The following MOXD1 variants were observed in gnomAD, a reference collection of about 807,000 sequenced individuals.
MOXD1 encodes monooxygenase DBH like 1.
In MOXD1, 62 loss-of-function variants were observed where a neutral mutation model predicts 66.6. The observed-to-expected ratio is 0.93, with a 90% CI of 0.76 to 1.15. MOXD1 has a LOEUF of 1.15. MOXD1 is among the 50% of genes most tolerant of loss of function. The pLI is 0.00. For missense variants in MOXD1, 847 were observed against 754.6 expected, an observed-to-expected ratio of 1.12 and a Z score of -1.44; for synonymous variants, 303 against 281.9, an observed-to-expected ratio of 1.07 and a Z score of -0.75.
chr6:132,301,879 G>A (rs1366280509), intron 10 of MOXD1, among the ~76,000 whole-genome samples: 1 of 152,022 alleles, frequency 6.6e-6, no homozygotes, highest in Non-Finnish European at 1.5e-5. Context: ...AAACAAATAA[G>A]GTGTTTGAAT....
chr6:132,373,939 A>G (rs1205246862), intron 2 of MOXD1, among the ~76,000 whole-genome samples: 1 of 151,986 alleles, frequency 6.6e-6, no homozygotes, highest in Admixed American at 6.6e-5. Context: ...TGCCTCGTTC[A>G]CTCTTTATGC....
In MOXD1 at chr6:132,374,828, A is replaced by G. The variant is rs775320808; in HGVS notation, c.265-51T>C. On this transcript the variant is annotated intron_variant, in intron 1 of 11. Transcript: ENST00000367963. The stretch of plus-strand genomic sequence containing the variant: ...TCAGGATACCTAAATACAGAGAGAA[A>G]AGAATTCATAGGACCTTTAAAGACA... 21 of 1,517,246 alleles carry G rather than the reference A, an allele frequency of 1.4e-5. No homozygotes were observed. In the South Asian group the frequency reaches 2.4e-4, roughly 17 times the overall value. The allele number at this position is 1,517,246 out of a possible 1,614,324, so 94.0% of individuals were successfully genotyped here.
rs60580838 is a variant in MOXD1 at position 132,393,151 on chromosome 6, A to AGT, written c.264+8010_264+8011dup. 8.1e-3 allele frequency among the ~76,000 whole-genome samples: 1,220 copies of AGT among 150,746 alleles called. 18 individuals are homozygous for AGT. Among genetic ancestry groups the AGT allele is most frequent in the African/African-American group, 0.027 (1,108 of 41,088 alleles). On this transcript the variant is annotated intron_variant, in intron 1 of 11. Coordinates refer to ENST00000367963, the MANE Select transcript of MOXD1 (RefSeq NM_015529.4). ...CTTCCAACTCCTTGTGAGTGGAGTG[A>AGT]GTGTGTGTGTGTGTGTGTCAGACAG...
intron 4 of MOXD1, among the ~76,000 whole-genome samples, chr6:132,337,088 G>A (rs1392951674): frequency 6.6e-6 from 1 of 152,206 alleles, no homozygotes; most frequent in East Asian, 1.9e-4. Context: ...GTTTGGCAGA[G>A]TTCGAACACT....
chr6:132,335,014 G>A (rs1775408365), intron 4 of MOXD1, among the ~76,000 whole-genome samples: 1 of 152,140 alleles, frequency 6.6e-6, no homozygotes, highest in South Asian at 2.1e-4. Context: ...CTAGAACTTA[G>A]AACGAAGAAA....
At chr6:132,303,806 CAT>C (rs1491387998) in intron 10 of MOXD1, among the ~76,000 whole-genome samples, 23,027 of 90,228 alleles carry the variant, frequency 0.26, 4,105 homozygotes, top group African/African-American at 0.5. Flanking sequence ...TATACACACA[CAT>C]GTGTGTGTGT....
At chr6:132,368,335 G>A (rs979162502) in intron 4 of MOXD1, among the ~76,000 whole-genome samples, 3 of 151,960 alleles carry the variant, frequency 2.0e-5, no homozygotes, top group Non-Finnish European at 2.9e-5. Flanking sequence ...GAGTGGTCTC[G>A]AGTACCTGAC....
At chr6:132,311,565 G>A (rs773457559) in intron 10 of MOXD1, among the ~76,000 whole-genome samples, 17 of 151,670 alleles carry the variant, frequency 1.1e-4, no homozygotes, top group Non-Finnish European at 2.5e-4. Flanking sequence ...GTCAACATTC[G>A]AGACCCTCTT....
At position 132,372,613 on chromosome 6, in the gene MOXD1, T is replaced by A. The variant is rs751599668; in HGVS notation, c.658A>T (p.Ile220Leu). ...IPVFQEKHHVIKVEPVIQRGH... is the reference protein window; with the variant it reads ...IPVFQEKHHVLKVEPVIQRGH... ...CCTATGAATGAGTCACATACCTTTATTACATGATGCTTTTCTTGGAACACA... is the reference window on the plus strand; with the variant it reads ...CCTATGAATGAGTCACATACCTTTAATACATGATGCTTTTCTTGGAACACA... The change falls in exon 4 of 12, where the codon ATA becomes TTA. Residue 220 changes from isoleucine to leucine, a missense_variant. Coordinates refer to ENST00000367963, the MANE Select transcript of MOXD1 (RefSeq NM_015529.4). 2 of 1,611,534 alleles carry A rather than the reference T, an allele frequency of 1.2e-6. No homozygotes were observed.
chr6:132,303,139 G>A (rs1404366710), intron 10 of MOXD1, among the ~76,000 whole-genome samples: 2 of 152,020 alleles, frequency 1.3e-5, no homozygotes, highest in Non-Finnish European at 2.9e-5. Flanking sequence ...GATTTTTTAA[G>A]CAGGATATGA....
Position 132,374,790 on chromosome 6 carries a change from T to C in MOXD1, c.265-13A>G, listed in dbSNP as rs749385639. ...TTGTAAAATAATCCTGTGGAAAATA[T>C]GGAAAAGAAAAATCAGGATACCTAA... On this transcript the variant is annotated splice_polypyrimidine_tract_variant and intron_variant, in intron 1 of 11. Transcript: ENST00000367963. 3 of 1,610,766 alleles carry C rather than the reference T, an allele frequency of 1.9e-6. No homozygotes were observed. The highest frequency in any genetic ancestry group is 1.3e-5 in the African/African-American group (1 of 74,978).
At chr6:132,321,213 G>A (rs1005761311) in intron 8 of MOXD1, among the ~76,000 whole-genome samples, 6 of 151,358 alleles carry the variant, frequency 4.0e-5, no homozygotes, top group Non-Finnish European at 5.9e-5. Context: ...GCAGTGAGCC[G>A]AGATCGCACC....
At chr6:132,308,810 A>G (rs1404352245) in intron 10 of MOXD1, among the ~76,000 whole-genome samples, 1 of 152,200 alleles carries the variant, frequency 6.6e-6, no homozygotes, top group Non-Finnish European at 1.5e-5. Context: ...GCCTTTGATA[A>G]AATTCAACAT....
rs1049227406 is a variant in MOXD1 at position 132,296,323 on chromosome 6, C to T, written c.*830G>A. On this transcript the variant is annotated 3_prime_UTR_variant, in exon 12 of 12. Coordinates refer to ENST00000367963, the MANE Select transcript of MOXD1 (RefSeq NM_015529.4). ...GAACTTACACCCTCCTGGACTGGCT[C>T]ACACGGCCTGTCTTTGATCTGGAAC... The T allele has an allele frequency of 4.6e-5, 7 of 152,196 alleles. No homozygotes were observed. The highest frequency in any genetic ancestry group is 1.7e-4 in the African/African-American group (7 of 41,430). The allele number at this position is 152,196 out of a possible 1,614,324, so 9.4% of individuals were successfully genotyped here. A position where few individuals can be genotyped will look rare whatever the true frequency, so the allele number is the denominator to read the frequency against.
intron 1 of MOXD1, among the ~76,000 whole-genome samples, chr6:132,383,452 T>C (rs1776550758): frequency 6.6e-6 from 1 of 152,196 alleles, no homozygotes; most frequent in Non-Finnish European, 1.5e-5. Context: ...AAATACCTAC[T>C]AAAATGCCAA....
At chr6:132,333,269 G>A (rs1002399085) in intron 4 of MOXD1, among the ~76,000 whole-genome samples, 1 of 149,200 alleles carries the variant, frequency 6.7e-6, no homozygotes, top group African/African-American at 2.5e-5. Flanking sequence ...CCGGGAGGCA[G>A]AGCTGGCAGT....
chr6:132,313,921 A>G (rs1168899863), intron 10 of MOXD1, among the ~76,000 whole-genome samples: 1 of 152,098 alleles, frequency 6.6e-6, no homozygotes, highest in Non-Finnish European at 1.5e-5. Flanking sequence ...GTCTCAAAAA[A>G]ACAAAAACAA....
chr6:132,358,050 G>T (rs1382347976), intron 4 of MOXD1, among the ~76,000 whole-genome samples: 2 of 152,152 alleles, frequency 1.3e-5, no homozygotes, highest in Non-Finnish European at 2.9e-5. Flanking sequence ...TAACTTTACA[G>T]TAGTATTGTG....
chr6:132,375,856 T>C (rs936852361), intron 1 of MOXD1, among the ~76,000 whole-genome samples: 1 of 152,230 alleles, frequency 6.6e-6, no homozygotes, highest in African/African-American at 2.4e-5. Context: ...CTCTGAAAGC[T>C]TAAGTTTTAA....
Sources: gnomAD v4.1 joint callset for allele counts (sites outside exome capture counted in the v4.1 genomes callset) on GRCh38, gnomAD v4.1.1 for gene constraint, MANE v1.5 for transcripts, NCBI Gene and HGNC (gene_info 2026-07-23, HGNC 2026-07-21) for gene names.